The following LHFPL3 variants were observed in gnomAD, a reference collection of about 807,000 sequenced individuals.
LHFPL3 encodes the protein LHFPL tetraspan subfamily member 3, also known as LHFPL tetraspan subfamily member 3 protein.
Under a neutral mutation model 19.3 loss-of-function variants are expected in LHFPL3, and 5 were observed. That is an observed-to-expected ratio of 0.26 (90% CI 0.14 to 0.54). LHFPL3 has a LOEUF of 0.54. LHFPL3 is among the 20% of genes least tolerant of loss of function. The probability of loss-of-function intolerance (pLI) is 0.94; values close to 1 mark genes in which losing one functional copy is unlikely to be tolerated. For missense variants in LHFPL3, 249 were observed against 307.4 expected (o/e 0.81, Z 1.42); for synonymous variants, 133 against 126.2 (o/e 1.05, Z -0.36).
chr7:104,601,283 A>G (rs140694078), intron 1 of LHFPL3, among the ~76,000 whole-genome samples: 40 of 152,330 alleles, frequency 2.6e-4, no homozygotes, highest in African/African-American at 9.6e-4. Context: ...CCCCTCTCCC[A>G]TTAGTGACTA....
At chr7:104,886,248 CTGAA>C (rs1792145698) in intron 2 of LHFPL3, among the ~76,000 whole-genome samples, 1 of 152,178 alleles carries the variant, frequency 6.6e-6, no homozygotes, top group Admixed American at 6.5e-5. Context: ...GAACGAATGA[CTGAA>C]TGAGTGAATG....
intron 2 of LHFPL3, among the ~76,000 whole-genome samples, chr7:104,776,450 C>G (rs1044559976): frequency 6.6e-6 from 1 of 152,166 alleles, no homozygotes; most frequent in Non-Finnish European, 1.5e-5. Flanking sequence ...AATTGCACCC[C>G]CCACAGCCAG....
At chr7:104,560,037 A>G (rs1584401554) in intron 1 of LHFPL3, among the ~76,000 whole-genome samples, 1 of 147,460 alleles carries the variant, frequency 6.8e-6, no homozygotes, top group African/African-American at 2.6e-5. Flanking sequence ...AGCCCACTTG[A>G]TCATGGTGGA....
intron 1 of LHFPL3, among the ~76,000 whole-genome samples, chr7:104,467,113 A>G (rs777891444): frequency 2.0e-5 from 3 of 152,232 alleles, no homozygotes; most frequent in Non-Finnish European, 4.4e-5. Context: ...TATGAAGTTC[A>G]ATAGCACCTA....
intron 1 of LHFPL3, among the ~76,000 whole-genome samples, chr7:104,349,731 G>T (rs547745324): frequency 1.3e-5 from 2 of 152,272 alleles, no homozygotes; most frequent in Non-Finnish European, 2.9e-5. Flanking sequence ...TTTTAAAAAA[G>T]TAACATTTAT....
At chr7:104,491,308 AT>A (rs1793345984) in intron 1 of LHFPL3, among the ~76,000 whole-genome samples, 2 of 152,228 alleles carry the variant, frequency 1.3e-5, no homozygotes, top group South Asian at 4.2e-4. Context: ...GCTTTAGGGA[AT>A]TTAAATGTGG....
chr7:104,511,505 A>C (rs1251385273), intron 1 of LHFPL3, among the ~76,000 whole-genome samples: 4 of 152,164 alleles, frequency 2.6e-5, no homozygotes, highest in African/African-American at 9.7e-5. Context: ...TTTACCCCAA[A>C]ACCTCTACGT....
At chr7:104,522,439 T>G (rs1794089441) in intron 1 of LHFPL3, among the ~76,000 whole-genome samples, 1 of 149,028 alleles carries the variant, frequency 6.7e-6, no homozygotes, top group Non-Finnish European at 1.5e-5. Flanking sequence ...TAATGCGAGA[T>G]GACGAGTTAG....
chr7:104,523,283 T>A (rs1794113748), intron 1 of LHFPL3, among the ~76,000 whole-genome samples: 1 of 152,102 alleles, frequency 6.6e-6, no homozygotes, highest in African/African-American at 2.4e-5. Flanking sequence ...TCTTTAATGA[T>A]CTCATGTGAC....
rs890038665 is a variant in LHFPL3, at chr7:104,379,920, A to G, written c.445+50696A>G. ...ATATTTGGGTATTTATTGGGCTGCT[A>G]TATGAAAACTATCTGACTAGAGCAG... On this transcript the variant is annotated intron_variant, in intron 1 of 2. Transcript: ENST00000424859. 2.0e-5 allele frequency among the ~76,000 whole-genome samples: 3 copies of G among 152,204 alleles called. 1 individual carries two copies. Among genetic ancestry groups the G allele is most frequent in the Non-Finnish European group, 1.5e-5 (1 of 68,034 alleles).
intron 1 of LHFPL3, among the ~76,000 whole-genome samples, chr7:104,461,120 T>C (rs1792654087): frequency 1.3e-5 from 2 of 152,158 alleles, no homozygotes; most frequent in Admixed American, 1.3e-4. Flanking sequence ...ACAATCATGG[T>C]GGAAGGGGAG....
intron 1 of LHFPL3, among the ~76,000 whole-genome samples, chr7:104,373,517 G>A (rs1790651484): frequency 6.6e-6 from 1 of 152,188 alleles, no homozygotes; most frequent in South Asian, 2.1e-4. Context: ...AATATTTTAA[G>A]AGATGTATTC....
intron 1 of LHFPL3, among the ~76,000 whole-genome samples, chr7:104,691,023 C>A (rs940725175): frequency 6.6e-6 from 1 of 152,210 alleles, no homozygotes; most frequent in Non-Finnish European, 1.5e-5. Context: ...CAAGGTTCTA[C>A]CATCTTCTGC....
chr7:104,368,433 T>C (rs1790538316), intron 1 of LHFPL3, among the ~76,000 whole-genome samples: 1 of 152,174 alleles, frequency 6.6e-6, no homozygotes, highest in African/African-American at 2.4e-5. Context: ...AGGACCCAGG[T>C]CAAGGCAACA....
intron 1 of LHFPL3, among the ~76,000 whole-genome samples, chr7:104,554,640 CAGATAGATAGATAGATAGATAGAT>C (rs55796324): frequency 2.1e-5 from 3 of 143,870 alleles, no homozygotes; most frequent in South Asian, 2.3e-4. Flanking sequence ...ATTAGATAGA[CAGATAGATAGATAGATAGATAGAT>C]AGATAGATAG....
At chr7:104,748,345 G>A (rs1794090641) in intron 2 of LHFPL3, among the ~76,000 whole-genome samples, 1 of 148,318 alleles carries the variant, frequency 6.7e-6, no homozygotes, top group Non-Finnish European at 1.5e-5. Flanking sequence ...CCCGTAAAGG[G>A]TCTGTGCTGA....
At chr7:104,487,396 T>C (rs1793257278) in intron 1 of LHFPL3, among the ~76,000 whole-genome samples, 1 of 152,262 alleles carries the variant, frequency 6.6e-6, no homozygotes. Context: ...GAGCCTACTC[T>C]AGTAGCTTAG....
At chr7:104,360,135 A>G (rs1049367115) in intron 1 of LHFPL3, among the ~76,000 whole-genome samples, 5 of 152,218 alleles carry the variant, frequency 3.3e-5, no homozygotes, top group African/African-American at 1.2e-4. Flanking sequence ...GTGCCATAGC[A>G]CACTTATACT....
intron 1 of LHFPL3, among the ~76,000 whole-genome samples, chr7:104,541,767 T>C (rs1260091789): frequency 6.6e-6 from 1 of 152,144 alleles, no homozygotes; most frequent in Non-Finnish European, 1.5e-5. Context: ...AATGATTTTT[T>C]CTCTACATTT....
Sources: gnomAD v4.1 joint callset for allele counts (sites outside exome capture counted in the v4.1 genomes callset) on GRCh38, gnomAD v4.1.1 for gene constraint, MANE v1.5 for transcripts, NCBI Gene and HGNC (gene_info 2026-07-23, HGNC 2026-07-21) for gene names.